APBB2: variants seen among roughly 807,000 people sequenced by gnomAD.
APBB2 encodes amyloid beta precursor protein binding family B member 2.
In APBB2, 38 loss-of-function variants were observed where a neutral mutation model predicts 82.5. The ratio of observed to expected loss-of-function variants is 0.46; its 90% confidence interval spans 0.36 to 0.60. The LOEUF is 0.60. Among genes scored for constraint, APBB2 ranks in the 20% least tolerant of loss-of-function variants. The pLI is 0.00. For missense variants in APBB2, 772 were observed against 972.3 expected, an observed-to-expected ratio of 0.79 and a Z score of 2.74; for synonymous variants, 341 against 368.2, an observed-to-expected ratio of 0.93 and a Z score of 0.85.
intron 1 of APBB2, among the ~76,000 whole-genome samples, chr4:41,196,259 T>G: frequency 4.6e-5 from 7 of 152,220 alleles, no homozygotes; most frequent in Non-Finnish European, 1.0e-4. Context: ...GTAATGTCAA[T>G]TACGTACTAT....
intron 5 of APBB2, among the ~76,000 whole-genome samples, chr4:41,032,632 GA>G (rs1717282624): frequency 6.6e-6 from 1 of 152,062 alleles, no homozygotes; most frequent in Non-Finnish European, 1.5e-5. Flanking sequence ...TACAATGCTA[GA>G]TGGTAAAATT....
At chr4:40,962,352 C>T (rs1035301607) in intron 6 of APBB2, among the ~76,000 whole-genome samples, 4 of 152,092 alleles carry the variant, frequency 2.6e-5, no homozygotes, top group Admixed American at 6.5e-5. Context: ...AATTTTCAAA[C>T]GATAATTCAT....
chr4:41,076,412 C>T (rs961171733), intron 3 of APBB2, among the ~76,000 whole-genome samples: 1 of 152,118 alleles, frequency 6.6e-6, no homozygotes, highest in African/African-American at 2.4e-5. Context: ...AAGATCTGCA[C>T]TCGGGGACAC....
intron 11 of APBB2, 134 bp from the exon 12 acceptor site, chr4:40,890,625 A>T: frequency 8.3e-7 from 1 of 1,207,000 alleles, no homozygotes; most frequent in Non-Finnish European, 1.1e-6. Flanking sequence ...TCTGCCTAAG[A>T]AACTTCCTTT....
chr4:40,967,839 T>C (rs1795034435), intron 6 of APBB2, among the ~76,000 whole-genome samples: 1 of 152,136 alleles, frequency 6.6e-6, no homozygotes, highest in Non-Finnish European at 1.5e-5. Flanking sequence ...AAGGATCCTG[T>C]GACATTTGTA....
At chr4:40,975,516 C>T (rs1796933724) in intron 6 of APBB2, among the ~76,000 whole-genome samples, 1 of 152,052 alleles carries the variant, frequency 6.6e-6, no homozygotes, top group South Asian at 2.1e-4. Flanking sequence ...GGCTATAAAC[C>T]TCATGGACGT....
At chr4:41,080,476 C>G (rs112252923) in intron 3 of APBB2, among the ~76,000 whole-genome samples, 5 of 152,228 alleles carry the variant, frequency 3.3e-5, no homozygotes, top group African/African-American at 1.2e-4. Context: ...GCTTTCATGA[C>G]AAAGAAGTAA....
intron 12 of APBB2, among the ~76,000 whole-genome samples, chr4:40,838,551 G>A (rs1471620596): frequency 6.6e-6 from 1 of 152,236 alleles, no homozygotes; most frequent in East Asian, 1.9e-4. Flanking sequence ...TAGCCAGTAT[G>A]GTCTCGATCT....
chr4:40,830,753 G>C (rs1453009920), intron 12 of APBB2, among the ~76,000 whole-genome samples, 176 bp from the exon 13 acceptor site: 1 of 152,154 alleles, frequency 6.6e-6, no homozygotes, highest in Admixed American at 6.5e-5. Flanking sequence ...ATGACAATTA[G>C]AAATTCATTT....
intron 1 of APBB2, among the ~76,000 whole-genome samples, chr4:41,165,896 C>T (rs912551461): frequency 1.4e-4 from 17 of 122,840 alleles, no homozygotes; most frequent in African/African-American, 3.8e-4. Flanking sequence ...TTTTTTGAGA[C>T]GGAGTCTCGC....
intron 6 of APBB2, among the ~76,000 whole-genome samples, chr4:40,999,239 G>A (rs772039591): frequency 1.7e-3 from 256 of 152,200 alleles, no homozygotes; most frequent in Non-Finnish European, 3.1e-3. Context: ...TCAGGAGTTC[G>A]AAACCAGCCT....
At chr4:41,045,908 G>C (rs993232860) in intron 4 of APBB2, among the ~76,000 whole-genome samples, 1 of 151,960 alleles carries the variant, frequency 6.6e-6, no homozygotes, top group African/African-American at 2.4e-5. Flanking sequence ...GTAATCTCCG[G>C]GTGACAGGAT....
At chr4:40,993,778 TTGTTAAA>T (rs1802838494) in intron 6 of APBB2, among the ~76,000 whole-genome samples, 1 of 152,174 alleles carries the variant, frequency 6.6e-6, no homozygotes, top group Admixed American at 6.5e-5. Flanking sequence ...GCTGTGATTC[TTGTTAAA>T]TGTTAGCCAG....
At chr4:41,187,375 A>G (rs796982667) in intron 1 of APBB2, among the ~76,000 whole-genome samples, 54 of 152,342 alleles carry the variant, frequency 3.5e-4, no homozygotes, top group African/African-American at 1.2e-3. Flanking sequence ...AAAAACAAAC[A>G]ACATTAATAA....
chr4:41,027,131 T>C (rs1714596602), intron 5 of APBB2, among the ~76,000 whole-genome samples: 1 of 152,040 alleles, frequency 6.6e-6, no homozygotes, highest in South Asian at 2.1e-4. Context: ...CAGACTGAGC[T>C]CCTATCTTCT....
intron 1 of APBB2, among the ~76,000 whole-genome samples, chr4:41,183,442 T>C (rs1771984062): frequency 6.6e-6 from 1 of 152,178 alleles, no homozygotes; most frequent in South Asian, 2.1e-4. Context: ...TATTCAGAAA[T>C]AATGTCATTG....
At chr4:40,909,478 A>C (rs1218109357) in intron 10 of APBB2, among the ~76,000 whole-genome samples, 1 of 152,202 alleles carries the variant, frequency 6.6e-6, no homozygotes, top group Non-Finnish European at 1.5e-5. Flanking sequence ...TTCTTCACTC[A>C]TGCCAGAGAC....
chr4:41,073,063 A>T (rs1205647119), intron 3 of APBB2, among the ~76,000 whole-genome samples: 1 of 152,200 alleles, frequency 6.6e-6, no homozygotes, highest in African/African-American at 2.4e-5. Context: ...ACCCCCTACA[A>T]CACACAGATC....
At chr4:41,004,647 T>A (rs1221363016) in intron 6 of APBB2, among the ~76,000 whole-genome samples, 1 of 151,460 alleles carries the variant, frequency 6.6e-6, no homozygotes, top group Non-Finnish European at 1.5e-5. Context: ...CCATCCTGCC[T>A]AACATGGTGA....
Sources: gnomAD v4.1 joint callset for allele counts (sites outside exome capture counted in the v4.1 genomes callset) on GRCh38, gnomAD v4.1.1 for gene constraint, MANE v1.5 for transcripts, NCBI Gene and HGNC (gene_info 2026-07-23, HGNC 2026-07-21) for gene names.